Variants in GNB4 observed in about 807,000 individuals in gnomAD.
The protein encoded by GNB4 is guanine nucleotide-binding protein subunit beta-4.
Under a neutral mutation model 45.2 loss-of-function variants are expected in GNB4, and 28 were observed. The observed-to-expected ratio is 0.62, with a 90% CI of 0.46 to 0.85. GNB4 has a LOEUF of 0.85. Ranked by LOEUF, GNB4 falls within the 40% of genes least tolerant of loss-of-function variation. The pLI is 0.00. For missense variants in GNB4, 321 were observed against 425.4 expected, an observed-to-expected ratio of 0.75 and a Z score of 2.16; for synonymous variants, 132 against 143.7, an observed-to-expected ratio of 0.92 and a Z score of 0.58.
chr3:179,481,470 C>G, the GNB4 span, among the ~76,000 whole-genome samples: 265 of 152,170 alleles, frequency 1.7e-3, no homozygotes, highest in Non-Finnish European at 2.5e-3. Flanking sequence ...CCACCATGCC[C>G]ATAGCTAAGC....
At chr3:179,480,217 GCTT>G in the GNB4 span, among the ~76,000 whole-genome samples, 1 of 152,212 alleles carries the variant, frequency 6.6e-6, no homozygotes, top group African/African-American at 2.4e-5. Context: ...TGTGAGTGAA[GCTT>G]CTTTTCTTTA....
At chr3:179,464,733 C>G in the GNB4 span, 3 of 1,093,072 alleles carry the variant, frequency 2.7e-6, no homozygotes, top group South Asian at 2.5e-5. Flanking sequence ...AGATGGCCTC[C>G]TTGTTCAGCT....
At chr3:179,407,135 A>C (rs1714496845) in intron 8 of GNB4, among the ~76,000 whole-genome samples, 1 of 152,236 alleles carries the variant, frequency 6.6e-6, no homozygotes. Flanking sequence ...ATTGGATATC[A>C]GTCAACGAAG....
chr3:179,474,635 C>T, the GNB4 span, among the ~76,000 whole-genome samples: 7 of 150,686 alleles, frequency 4.6e-5, no homozygotes, highest in Non-Finnish European at 8.9e-5. Flanking sequence ...TAGCAAGAGT[C>T]TACAGTTAAG....
At chr3:179,524,851 T>A in the GNB4 span, among the ~76,000 whole-genome samples, 2 of 151,942 alleles carry the variant, frequency 1.3e-5, no homozygotes, top group Non-Finnish European at 2.9e-5. Context: ...TAAGAGGAAA[T>A]TATTGGGCAG....
chr3:179,458,292 G>A, the GNB4 span, among the ~76,000 whole-genome samples: 1 of 152,126 alleles, frequency 6.6e-6, no homozygotes, highest in African/African-American at 2.4e-5. Flanking sequence ...AAGGGCTTCT[G>A]GAGCAATTCA....
Position 179,399,693 on chromosome 3 carries a change from A to G in GNB4, c.*1520T>C, listed in dbSNP as rs990166782. On this transcript the variant is annotated 3_prime_UTR_variant, in exon 10 of 10. Transcript: ENST00000232564. ...TTAGCACATTCACAACATAAAAACA[A>G]AAATTTAGAGGTAAAGTTTGGGAGT... The G allele has an allele frequency of 5.3e-5, 8 of 152,188 alleles. No individual in the cohort carries two copies. Among genetic ancestry groups the G allele is most frequent in the African/African-American group, 1.9e-4 (8 of 41,424 alleles). The allele number at this position is 152,188 out of a possible 1,614,324, so 9.4% of individuals were successfully genotyped here.
the GNB4 span, among the ~76,000 whole-genome samples, chr3:179,461,496 CAAAA>C: frequency 6.8e-4 from 91 of 134,686 alleles, no homozygotes; most frequent in Middle Eastern, 3.7e-3. Flanking sequence ...GACTCCGTCT[CAAAA>C]AAAAAAAAAA....
chr3:179,426,221 A>G lies in GNB4; in HGVS notation c.-21T>C. 2 of 1,577,160 alleles carry G rather than the reference A, an allele frequency of 1.3e-6. No homozygotes were observed. The highest frequency in any genetic ancestry group is 8.6e-7 in the Non-Finnish European group (1 of 1,163,896). On this transcript the variant is annotated 5_prime_UTR_variant, in exon 2 of 10. Transcript: ENST00000232564. Reference sequence around the variant, plus strand: ...CTCATTTTTTCAATTTGTTTACCTCAGGAGCTAATGAGTGAAAACAGCTGT... The same window carrying G: ...CTCATTTTTTCAATTTGTTTACCTCGGGAGCTAATGAGTGAAAACAGCTGT...
intron 9 of GNB4, 106 bp downstream of exon 9, chr3:179,405,084 C>A: frequency 1.4e-6 from 1 of 731,434 alleles, no homozygotes. Context: ...CATCGGGTTA[C>A]CACTTTCCAC....
At chr3:179,463,944 T>C in the GNB4 span, among the ~76,000 whole-genome samples, 1 of 152,208 alleles carries the variant, frequency 6.6e-6, no homozygotes, top group Non-Finnish European at 1.5e-5. Flanking sequence ...CTGTATTATA[T>C]ACTTAATATT....
At chr3:179,517,374 T>C in the GNB4 span, among the ~76,000 whole-genome samples, 1 of 152,112 alleles carries the variant, frequency 6.6e-6, no homozygotes, top group South Asian at 2.1e-4. Context: ...CTATCTCCCT[T>C]CGCTGACTGT....
At chr3:179,524,922 G>A in the GNB4 span, among the ~76,000 whole-genome samples, 1 of 152,098 alleles carries the variant, frequency 6.6e-6, no homozygotes, top group Non-Finnish European at 1.5e-5. Flanking sequence ...GCAGGGGAGG[G>A]GACAGAAGGA....
intron 1 of GNB4, among the ~76,000 whole-genome samples, chr3:179,428,733 A>G (rs960177879): frequency 1.3e-5 from 2 of 152,164 alleles, no homozygotes; most frequent in Admixed American, 1.3e-4. Context: ...GCCCTGCCAA[A>G]GCACTAGGAC....
the GNB4 span, among the ~76,000 whole-genome samples, chr3:179,527,130 T>A: frequency 2.0e-5 from 3 of 151,978 alleles, no homozygotes; most frequent in Non-Finnish European, 4.4e-5. Context: ...ATGGAGTCAA[T>A]GACTTCTGCT....
At chr3:179,435,712 T>A (rs529947040) in intron 1 of GNB4, among the ~76,000 whole-genome samples, 3 of 152,230 alleles carry the variant, frequency 2.0e-5, no homozygotes, top group Non-Finnish European at 4.4e-5. Flanking sequence ...ATTTGGTTCA[T>A]TTAACACATT....
the GNB4 span, among the ~76,000 whole-genome samples, chr3:179,493,344 A>G: frequency 2.0e-5 from 3 of 152,142 alleles, no homozygotes; most frequent in African/African-American, 7.2e-5. Context: ...GGAAAACAAT[A>G]CCATAACAAA....
intron 8 of GNB4, among the ~76,000 whole-genome samples, chr3:179,410,000 T>C (rs1200539115): frequency 6.6e-6 from 1 of 152,160 alleles, no homozygotes; most frequent in Non-Finnish European, 1.5e-5. Context: ...CAGGCTGTTC[T>C]TGTGACAGTG....
chr3:179,514,020 G>A, the GNB4 span, among the ~76,000 whole-genome samples: 1 of 152,162 alleles, frequency 6.6e-6, no homozygotes, highest in Non-Finnish European at 1.5e-5. Flanking sequence ...ATGAGACACT[G>A]TGCTGCAGAA....
Sources: allele counts gnomAD v4.1 joint callset (sites outside exome capture counted in the v4.1 genomes callset), GRCh38; gene constraint gnomAD v4.1.1; transcripts MANE v1.5; gene names NCBI Gene and HGNC (gene_info 2026-07-23, HGNC 2026-07-21).